Variants in PDE3A observed in about 807,000 individuals in gnomAD.
PDE3A encodes cGMP-inhibited 3',5'-cyclic phosphodiesterase 3A.
Under a neutral mutation model 98.3 loss-of-function variants are expected in PDE3A, and 43 were observed. That is an observed-to-expected ratio of 0.44 (90% CI 0.34 to 0.56). PDE3A has a LOEUF of 0.56. PDE3A is among the 20% of genes least tolerant of loss of function. PDE3A has a pLI of 0.01. For synonymous variants in PDE3A, 663 were observed against 567.9 expected, an observed-to-expected ratio of 1.17 and a Z score of -2.38; for missense variants, 1,427 against 1,440.7, an observed-to-expected ratio of 0.99 and a Z score of 0.15.
chr12:20,667,828 A>G (rs781756297), intron 15 of PDE3A, among the ~76,000 whole-genome samples: 6 of 152,126 alleles, frequency 3.9e-5, no homozygotes, highest in Non-Finnish European at 8.8e-5. Context: ...TTTAAAAATA[A>G]AGATTGCGGG....
intron 1 of PDE3A, among the ~76,000 whole-genome samples, chr12:20,421,636 G>A (rs1360893050): frequency 6.6e-6 from 1 of 150,470 alleles, no homozygotes; most frequent in Non-Finnish European, 1.5e-5. Context: ...TCACTTTTGT[G>A]CTTGGGAACA....
chr12:20,618,506 G>A (rs2121472448), intron 4 of PDE3A, among the ~76,000 whole-genome samples: 2 of 151,942 alleles, frequency 1.3e-5, no homozygotes, highest in East Asian at 3.9e-4. Context: ...TTTACCCCTG[G>A]GTAATTTTAA....
At chr12:20,395,617 G>T (rs1442768996) in intron 1 of PDE3A, among the ~76,000 whole-genome samples, 3 of 138,582 alleles carry the variant, frequency 2.2e-5, no homozygotes, top group Non-Finnish European at 4.6e-5. Context: ...TATATATATA[G>T]TATTATATAT....
At chr12:20,632,781 G>A (rs1944410181) in intron 6 of PDE3A, among the ~76,000 whole-genome samples, 1 of 151,212 alleles carries the variant, frequency 6.6e-6, no homozygotes, top group African/African-American at 2.4e-5. Flanking sequence ...TTTCCTTAGG[G>A]CCTTAACAAG....
At chr12:20,528,781 T>G (rs1946572277) in intron 1 of PDE3A, among the ~76,000 whole-genome samples, 1 of 152,150 alleles carries the variant, frequency 6.6e-6, no homozygotes. Context: ...AATAGGTACT[T>G]GATGACATTT....
chr12:20,682,841 G>C lies in PDE3A; in HGVS notation c.*2570G>C, dbSNP rs1261945016. On this transcript the variant is annotated 3_prime_UTR_variant, in exon 16 of 16. Transcript: ENST00000359062. ...CTAACATAAATATTAATTGAACATA[G>C]AGCTATGTTTGGAGTGAGTGGACTG... is the stretch of plus-strand genomic sequence containing the variant. The C allele has an allele frequency of 6.6e-6, 1 of 152,052 alleles. No homozygotes were observed. Among genetic ancestry groups the C allele is most frequent in the Non-Finnish European group, 1.5e-5 (1 of 68,020 alleles). 9.4% of individuals were successfully genotyped at this position (152,052 alleles called of 1,614,324 possible). A position where few individuals can be genotyped will look rare whatever the true frequency, so the allele number is the denominator to read the frequency against.
intron 1 of PDE3A, among the ~76,000 whole-genome samples, chr12:20,522,271 T>G (rs1028022737): frequency 6.6e-6 from 1 of 152,138 alleles, no homozygotes; most frequent in Non-Finnish European, 1.5e-5. Context: ...TAGAGCAGTG[T>G]TTTTCAAAGT....
intron 1 of PDE3A, among the ~76,000 whole-genome samples, chr12:20,406,505 G>C (rs796440999): frequency 2.0e-5 from 3 of 152,078 alleles, no homozygotes; most frequent in Admixed American, 6.5e-5. Context: ...TCATGTACTT[G>C]TTGGCCATTT....
chr12:20,552,487 C>A lies in PDE3A; in HGVS notation c.961-4173C>A. On this transcript the variant is annotated intron_variant, in intron 1 of 15. Coordinates refer to ENST00000359062, the MANE Select transcript of PDE3A (RefSeq NM_000921.5). The surrounding 1 kb of genome is among the most constrained non-coding windows in gnomAD (Gnocchi z 5.1). ...CCTGGAAGCCCTGGCCAACCGAGAG[C>A]GAGAGAAGGAGAACAGCAAGAGGGA... The A allele has an allele frequency of 6.2e-7, 1 of 1,612,668 alleles. No individual in the cohort carries two copies. Among genetic ancestry groups the A allele is most frequent in the Non-Finnish European group, 8.5e-7 (1 of 1,179,582 alleles).
At chr12:20,627,169 G>C (rs1175938494) in intron 5 of PDE3A, among the ~76,000 whole-genome samples, 1 of 146,004 alleles carries the variant, frequency 6.8e-6, no homozygotes, top group Non-Finnish European at 1.5e-5. Flanking sequence ...AAAAAACTGT[G>C]TAGAAAACTG....
intron 1 of PDE3A, among the ~76,000 whole-genome samples, chr12:20,496,590 C>T (rs1197567390): frequency 6.6e-6 from 1 of 151,992 alleles, no homozygotes; most frequent in Non-Finnish European, 1.5e-5. Flanking sequence ...TTTTGGGATC[C>T]ATACTAAGAA....
intron 2 of PDE3A, among the ~76,000 whole-genome samples, chr12:20,569,885 G>A (rs957435489): frequency 1.3e-5 from 2 of 152,088 alleles, no homozygotes; most frequent in Admixed American, 6.5e-5. Flanking sequence ...CTTCACTAAC[G>A]TATTTATGGC....
chr12:20,372,479 T>G (rs189119959), intron 1 of PDE3A, among the ~76,000 whole-genome samples: 6 of 152,046 alleles, frequency 3.9e-5, no homozygotes, highest in Non-Finnish European at 8.8e-5. Flanking sequence ...CTGAGCATAA[T>G]TGTGGGGAGT....
At chr12:20,596,549 G>C (rs1661001804) in intron 2 of PDE3A, among the ~76,000 whole-genome samples, 1 of 152,118 alleles carries the variant, frequency 6.6e-6, no homozygotes, top group African/African-American at 2.4e-5. Context: ...TACCACCTAA[G>C]AGGAAAATGA....
intron 8 of PDE3A, among the ~76,000 whole-genome samples, chr12:20,635,773 AAATT>A (rs1944498021): frequency 6.7e-6 from 1 of 148,314 alleles, no homozygotes; most frequent in African/African-American, 2.5e-5. Flanking sequence ...AAAAAAAAAG[AAATT>A]AATCTCTGAA....
chr12:20,414,817 A>AT (rs912759357), intron 1 of PDE3A, among the ~76,000 whole-genome samples: 3 of 152,036 alleles, frequency 2.0e-5, no homozygotes, highest in African/African-American at 7.2e-5. Flanking sequence ...TCTTGTAGCT[A>AT]TTTTTTCTCA....
At chr12:20,605,889 G>A (rs1212242346) in intron 2 of PDE3A, among the ~76,000 whole-genome samples, 3 of 152,086 alleles carry the variant, frequency 2.0e-5, no homozygotes, top group South Asian at 2.1e-4. Flanking sequence ...CAAGTGACAC[G>A]CCAGAATGTT....
chr12:20,640,503 T>C (rs1348583101), intron 10 of PDE3A, among the ~76,000 whole-genome samples: 1 of 151,830 alleles, frequency 6.6e-6, no homozygotes, highest in Admixed American at 6.6e-5. Context: ...ATGAATAAAA[T>C]AGAAAAGACA....
intron 2 of PDE3A, among the ~76,000 whole-genome samples, chr12:20,587,003 G>A (rs1036564450): frequency 6.6e-6 from 1 of 152,080 alleles, no homozygotes; most frequent in African/African-American, 2.4e-5. Flanking sequence ...TCATTTGCAG[G>A]AACAGGCTAG....
Sources: allele counts gnomAD v4.1 joint callset (sites outside exome capture counted in the v4.1 genomes callset), GRCh38; gene constraint gnomAD v4.1.1; non-coding constraint Gnocchi (gnomAD v3.1); transcripts MANE v1.5; gene names NCBI Gene and HGNC (gene_info 2026-07-23, HGNC 2026-07-21).